Variants in PEX5L observed in about 807,000 individuals in gnomAD.
The protein encoded by PEX5L is PEX5-related protein.
A neutral mutation model predicts 84.0 loss-of-function variants in PEX5L; 30 were observed. The ratio of observed to expected loss-of-function variants is 0.36; its 90% CI spans 0.27 to 0.48. The LOEUF is 0.48. Ranked by LOEUF, PEX5L falls within the 20% of genes least tolerant of loss-of-function variation. The pLI is 0.99. For synonymous variants in PEX5L, 270 were observed against 283.1 expected, an observed-to-expected ratio of 0.95 and a Z score of 0.46; for missense variants, 533 against 754.6, an observed-to-expected ratio of 0.71 and a Z score of 3.44.
chr3:179,992,154 A>G (rs1479113348), intron 1 of PEX5L, among the ~76,000 whole-genome samples: 5 of 152,182 alleles, frequency 3.3e-5, no homozygotes, highest in Admixed American at 1.3e-4. Flanking sequence ...AAGCAGATAT[A>G]CCCTGATGTG....
intron 1 of PEX5L, among the ~76,000 whole-genome samples, chr3:180,021,733 T>A (rs1302020696): frequency 1.3e-5 from 2 of 152,180 alleles, no homozygotes; most frequent in African/African-American, 4.8e-5. Flanking sequence ...ATGTTGACTT[T>A]GAGTTGGAAC....
At chr3:179,845,261 C>T (rs868801114) in intron 8 of PEX5L, among the ~76,000 whole-genome samples, 4 of 152,168 alleles carry the variant, frequency 2.6e-5, no homozygotes, top group African/African-American at 7.2e-5. Flanking sequence ...GATACAAGGT[C>T]ACTAAGATAG....
intron 3 of PEX5L, among the ~76,000 whole-genome samples, chr3:179,890,444 T>C (rs1397634498): frequency 6.6e-6 from 1 of 152,220 alleles, no homozygotes; most frequent in East Asian, 1.9e-4. Context: ...CCAATACAAC[T>C]GTGACTTTCA....
At chr3:179,997,109 T>C (rs572501441) in intron 1 of PEX5L, among the ~76,000 whole-genome samples, 3 of 152,236 alleles carry the variant, frequency 2.0e-5, no homozygotes, top group African/African-American at 7.2e-5. Flanking sequence ...AGGATCCCAC[T>C]ACATCACCAA....
intron 1 of PEX5L, among the ~76,000 whole-genome samples, chr3:179,977,037 G>GA (rs1225436569): frequency 6.6e-6 from 1 of 152,072 alleles, no homozygotes; most frequent in Non-Finnish European, 1.5e-5. Context: ...ATATTTGTAA[G>GA]AAAAAAATCT....
chr3:180,019,638 T>A (rs558869082), intron 1 of PEX5L, among the ~76,000 whole-genome samples: 121 of 152,270 alleles, frequency 7.9e-4, no homozygotes, highest in Admixed American at 9.8e-4. Context: ...GCATCTAATA[T>A]AACTGTCAAT....
At chr3:179,867,110 A>G (rs1021844795) in intron 7 of PEX5L, among the ~76,000 whole-genome samples, 7 of 151,948 alleles carry the variant, frequency 4.6e-5, no homozygotes, top group Non-Finnish European at 1.0e-4. Context: ...CAATTCCTAG[A>G]GCTTTGTACA....
intron 12 of PEX5L, 58 bp from the exon 13 acceptor site, chr3:179,808,495 T>TA: frequency 8.2e-7 from 1 of 1,221,662 alleles, no homozygotes; most frequent in Non-Finnish European, 1.1e-6. Context: ...ATAAATGATT[T>TA]ACTGTTAAAT....
chr3:179,803,720 G>C (rs1364789608), intron 14 of PEX5L, among the ~76,000 whole-genome samples: 8 of 152,168 alleles, frequency 5.3e-5, no homozygotes, highest in African/African-American at 1.9e-4. Context: ...TAAGCATCTG[G>C]TAAGAAACTT....
chr3:179,937,024 G>T, intron 2 of PEX5L, among the ~76,000 whole-genome samples: 1 of 151,626 alleles, frequency 6.6e-6, no homozygotes, highest in Non-Finnish European at 1.5e-5. Context: ...GAATCAGTGG[G>T]GTATTAGAGT....
chr3:179,888,401 G>A (rs571421643), intron 3 of PEX5L, among the ~76,000 whole-genome samples: 4 of 152,046 alleles, frequency 2.6e-5, no homozygotes, highest in East Asian at 1.9e-4. Flanking sequence ...TAGTACATGC[G>A]TTTATAAAAT....
rs180997280 is a variant in PEX5L, at chr3:179,849,530, A to G, written c.822+9532T>C. Among the ~76,000 whole-genome samples, 302 of 152,314 alleles carry G rather than the reference A, an allele frequency of 2.0e-3. 1 individual carries two copies. Among genetic ancestry groups the G allele is most frequent in the African/African-American group, 6.8e-3 (284 of 41,578 alleles). ...GTTTGAGACTTTTTCCACATACCTT[A>G]TTATGCTACTTTCCTTTTTCTTGTA... On this transcript the variant is annotated intron_variant, in intron 8 of 14. Transcript: ENST00000467460.
At chr3:179,931,399 G>C (rs1773070367) in intron 2 of PEX5L, among the ~76,000 whole-genome samples, 1 of 152,224 alleles carries the variant, frequency 6.6e-6, no homozygotes, top group Non-Finnish European at 1.5e-5. Context: ...AGGTCACTGA[G>C]TTGGTTGGGG....
chr3:179,866,021 G>A (rs1334473592), intron 7 of PEX5L, among the ~76,000 whole-genome samples: 1 of 152,106 alleles, frequency 6.6e-6, no homozygotes, highest in African/African-American at 2.4e-5. Context: ...GTTTACAAAT[G>A]GCATTTTAAT....
chr3:179,817,722 T>A (rs1252408728), intron 9 of PEX5L, among the ~76,000 whole-genome samples: 1 of 152,200 alleles, frequency 6.6e-6, no homozygotes, highest in African/African-American at 2.4e-5. Flanking sequence ...GTTGATGATG[T>A]TACTAAGGTT....
chr3:179,883,171 T>C (rs1401542349), intron 4 of PEX5L, among the ~76,000 whole-genome samples: 4 of 152,146 alleles, frequency 2.6e-5, no homozygotes, highest in African/African-American at 9.7e-5. Flanking sequence ...TGTGATAGTG[T>C]AGATCTAATA....
intron 7 of PEX5L, among the ~76,000 whole-genome samples, chr3:179,860,537 T>C (rs1229303856): frequency 6.6e-6 from 1 of 152,204 alleles, no homozygotes; most frequent in Non-Finnish European, 1.5e-5. Flanking sequence ...CTCTGGTAAT[T>C]CTGAAAAGCA....
rs148423341 is a variant in PEX5L at position 180,030,990 on chromosome 3, C to A, written c.21+5589G>T. Among the ~76,000 whole-genome samples the A allele has an allele frequency of 1.0e-4, 15 of 150,162 alleles. 1 individual carries two copies. Among genetic ancestry groups the A allele is most frequent in the African/African-American group, 2.9e-4 (12 of 40,868 alleles). The stretch of plus-strand genomic sequence containing the variant: ...TCTAAATGAGCTCATTATTTTTCAT[C>A]TGTGCTATTTCTTACAGTGGTGTCT... On this transcript the variant is annotated intron_variant, in intron 1 of 14. Transcript: ENST00000467460.
At chr3:179,929,635 G>A (rs781536168) in intron 2 of PEX5L, among the ~76,000 whole-genome samples, 4 of 152,060 alleles carry the variant, frequency 2.6e-5, no homozygotes, top group Non-Finnish European at 2.9e-5. Context: ...TTTGGCAACC[G>A]CCCCTGGTTC....
Sources: allele counts gnomAD v4.1 joint callset (sites outside exome capture counted in the v4.1 genomes callset), GRCh38; gene constraint gnomAD v4.1.1; transcripts MANE v1.5; gene names NCBI Gene and HGNC (gene_info 2026-07-23, HGNC 2026-07-21).